Variants in KLHL1 observed in about 807,000 individuals in gnomAD.
KLHL1 encodes kelch-like protein 1.
Under a neutral mutation model 77.7 loss-of-function variants are expected in KLHL1, and 47 were observed. The observed-to-expected ratio is 0.60, with a 90% CI of 0.48 to 0.77. The LOEUF (loss-of-function observed/expected upper bound fraction) is 0.77. Ranked by LOEUF, KLHL1 falls within the 30% of genes least tolerant of loss-of-function variation. KLHL1 has a pLI of 0.00. For missense variants in KLHL1, 925 were observed against 910.8 expected (o/e 1.02, Z -0.20); for synonymous variants, 360 against 325.2 (o/e 1.11, Z -1.15).
intron 1 of KLHL1, among the ~76,000 whole-genome samples, chr13:70,001,366 G>GA (rs553106250): frequency 1.3e-5 from 2 of 150,562 alleles, no homozygotes; most frequent in African/African-American, 4.8e-5. Flanking sequence ...CCTCATTAAA[G>GA]AAAAAAAATA....
chr13:69,838,988 C>A lies in KLHL1; in HGVS notation c.1402G>T (p.Asp468Tyr). Residue 468 changes from aspartate (D) to tyrosine (Y), a missense_variant, in exon 6 of 11, where the codon GAT becomes TAT. By Grantham distance (160) the Asp-to-Tyr change is radical. Transcript: ENST00000377844. ...CAGAATTAAATACCTTTGTTGTTAT[C>A]CATTCCTCCTACAGCATACAAAGTT... is the stretch of plus-strand genomic sequence containing the variant. The part of the protein sequence containing the change: ...VGTLYAVGGM[D>Y]NNKGATTIEK... 1 of 1,603,606 alleles carries A rather than the reference C, an allele frequency of 6.2e-7. No individual in the cohort carries two copies. Among genetic ancestry groups the A allele is most frequent in the Non-Finnish European group, 8.5e-7 (1 of 1,174,932 alleles).
intron 6 of KLHL1, among the ~76,000 whole-genome samples, chr13:69,808,643 C>A (rs561087004): frequency 6.6e-6 from 1 of 152,204 alleles, no homozygotes; most frequent in South Asian, 2.1e-4. Context: ...AGCACAAAAA[C>A]TCCAGCAATA....
chr13:69,985,552 A>G (rs987968389), intron 1 of KLHL1, among the ~76,000 whole-genome samples: 1 of 151,706 alleles, frequency 6.6e-6, no homozygotes, highest in Non-Finnish European at 1.5e-5. Context: ...GGGAATGTAA[A>G]TTAGTACAGC....
Position 69,775,356 on chromosome 13 carries a change from G to A in KLHL1, c.1639+21382C>T, listed in dbSNP as rs181010644. Among the ~76,000 whole-genome samples, 34 of 152,044 alleles carry A rather than the reference G, an allele frequency of 2.2e-4. No individual in the cohort carries two copies. The East Asian group carries it at 6.0e-3, about 27-fold the overall frequency. On this transcript the variant is annotated intron_variant, in intron 7 of 10. Coordinates refer to ENST00000377844, the MANE Select transcript of KLHL1 (RefSeq NM_020866.3). Reference sequence around the variant, plus strand: ...AAATTTATATGTCTTGTAAAAACAAGCATCTATTAATATAATAATATTCAC... The same window carrying A: ...AAATTTATATGTCTTGTAAAAACAAACATCTATTAATATAATAATATTCAC...
intron 1 of KLHL1, among the ~76,000 whole-genome samples, chr13:70,019,623 TACC>T: frequency 6.6e-6 from 1 of 152,186 alleles, no homozygotes; most frequent in Non-Finnish European, 1.5e-5. Context: ...TTGCTATTAC[TACC>T]TCTATTTTAC....
At chr13:70,008,401 T>C (rs532717826) in intron 1 of KLHL1, among the ~76,000 whole-genome samples, 54 of 152,212 alleles carry the variant, frequency 3.5e-4, no homozygotes, top group African/African-American at 1.2e-3. Flanking sequence ...TAAGTTTTTG[T>C]CATTCTATGA....
At chr13:69,928,551 T>G (rs1882890094) in intron 4 of KLHL1, among the ~76,000 whole-genome samples, 1 of 152,130 alleles carries the variant, frequency 6.6e-6, no homozygotes, top group Non-Finnish European at 1.5e-5. Flanking sequence ...AATGGATAAA[T>G]AAAATGAGGC....
In KLHL1 at chr13:69,991,340, AAG is replaced by A. The variant is rs1488816404; in HGVS notation, c.498-15540_498-15539del. On this transcript the variant is annotated intron_variant, in intron 1 of 10. Transcript: ENST00000377844. ...TGAAGAATATAGAGACACACAAAAA[AAG>A]CACACAAAAGAACAGATCTAGGAGT... is the stretch of plus-strand genomic sequence containing the variant. Among the ~76,000 whole-genome samples the A allele has an allele frequency of 2.0e-5, 3 of 151,840 alleles. No homozygotes were observed. The Admixed American group carries it at 2.0e-4, about 10-fold the overall frequency.
intron 1 of KLHL1, among the ~76,000 whole-genome samples, chr13:70,054,265 A>G (rs529434403): frequency 2.0e-5 from 3 of 152,190 alleles, no homozygotes; most frequent in South Asian, 2.1e-4. Flanking sequence ...AGAAATATCT[A>G]TCTTGGTAAA....
chr13:69,723,547 C>T (rs922210281), intron 8 of KLHL1, among the ~76,000 whole-genome samples: 3 of 152,024 alleles, frequency 2.0e-5, no homozygotes, highest in African/African-American at 7.2e-5. Context: ...TCTAAGGCTC[C>T]CAATGATATG....
At chr13:70,090,559 G>A (rs1442416487) in intron 1 of KLHL1, among the ~76,000 whole-genome samples, 1 of 151,794 alleles carries the variant, frequency 6.6e-6, no homozygotes, top group Non-Finnish European at 1.5e-5. Flanking sequence ...TTTGACAGAT[G>A]TGAGGCACAC....
rs757819094 is a variant in KLHL1, at chr13:69,719,351, G to A, written c.2015+18C>T. 1 of 1,605,948 alleles carries A rather than the reference G, an allele frequency of 6.2e-7. No individual in the cohort carries two copies. On this transcript the variant is annotated intron_variant, in intron 9 of 10. Coordinates refer to ENST00000377844, the MANE Select transcript of KLHL1 (RefSeq NM_020866.3). ...TTGCACTGTCTCTTTCGCTGTAACA[G>A]TGTCCTTGGGGTCTTACCTTTCTAC...
At chr13:70,039,382 C>A (rs939085953) in intron 1 of KLHL1, among the ~76,000 whole-genome samples, 3 of 152,016 alleles carry the variant, frequency 2.0e-5, no homozygotes, top group Admixed American at 6.6e-5. Context: ...CCAGACCTGG[C>A]CTCTTTTATC....
At chr13:70,019,682 T>C (rs1885742002) in intron 1 of KLHL1, among the ~76,000 whole-genome samples, 1 of 152,184 alleles carries the variant, frequency 6.6e-6, no homozygotes, top group Non-Finnish European at 1.5e-5. Flanking sequence ...TTGCCCAAAG[T>C]TACACAGTTT....
rs558563190 is a variant in KLHL1 at position 69,859,742 on chromosome 13, C to T, written c.1228-20580G>A. ...TTTGCAACAATCAGAATTTTCTTAG[C>T]TAAATTTAACCAAGGAGAGGAAAAA... On this transcript the variant is annotated intron_variant, in intron 5 of 10. Coordinates refer to ENST00000377844, the MANE Select transcript of KLHL1 (RefSeq NM_020866.3). Among the ~76,000 whole-genome samples, 3 of 152,176 alleles carry T rather than the reference C, an allele frequency of 2.0e-5. No homozygotes were observed. The South Asian group carries it at 6.2e-4, about 32-fold the overall frequency.
At chr13:69,746,457 A>G (rs1874217069) in intron 7 of KLHL1, among the ~76,000 whole-genome samples, 1 of 151,958 alleles carries the variant, frequency 6.6e-6, no homozygotes, top group Non-Finnish European at 1.5e-5. Context: ...ATAAACTCTG[A>G]TTTATCTAAT....
chr13:69,942,611 T>C lies in KLHL1; in HGVS notation c.818-2375A>G, dbSNP rs139502675. Among the ~76,000 whole-genome samples the C allele has an allele frequency of 1.6e-3, 249 of 152,200 alleles. 1 individual carries two copies. Among genetic ancestry groups the C allele is most frequent in the African/African-American group, 5.8e-3 (243 of 41,580 alleles). ...GAAATTTTTTAAACCTATAATAATT[T>C]GCAAAACCCACCCATATAACCTTCA... On this transcript the variant is annotated intron_variant, in intron 3 of 10. Coordinates refer to ENST00000377844, the MANE Select transcript of KLHL1 (RefSeq NM_020866.3).
At chr13:70,009,279 C>G (rs1338515404) in intron 1 of KLHL1, among the ~76,000 whole-genome samples, 2 of 152,080 alleles carry the variant, frequency 1.3e-5, no homozygotes, top group Non-Finnish European at 1.5e-5. Context: ...TCAATTCAGA[C>G]TCTGGGCATG....
intron 3 of KLHL1, among the ~76,000 whole-genome samples, chr13:69,943,716 ATC>A (rs1330343562): frequency 1.3e-5 from 2 of 152,166 alleles, no homozygotes; most frequent in African/African-American, 4.8e-5. Context: ...ACACATTAAA[ATC>A]TGTTATTAAT....
Sources: gnomAD v4.1 joint callset for allele counts (sites outside exome capture counted in the v4.1 genomes callset) on GRCh38, gnomAD v4.1.1 for gene constraint, MANE v1.5 for transcripts, NCBI Gene and HGNC (gene_info 2026-07-23, HGNC 2026-07-21) for gene names.